NIPAL3: variants seen among roughly 807,000 people sequenced by gnomAD.
NIPAL3 encodes NIPA like domain containing 3.
In NIPAL3, 41 loss-of-function variants were observed where a neutral mutation model predicts 47.2. The observed-to-expected ratio is 0.87, with a 90% confidence interval of 0.68 to 1.13. The LOEUF (loss-of-function observed/expected upper bound fraction) is 1.13. Among genes scored for constraint, NIPAL3 ranks in the 50% most tolerant of loss-of-function variants. The probability of loss-of-function intolerance (pLI) is 0.00; values close to 1 mark genes in which losing one functional copy is unlikely to be tolerated. For missense variants in NIPAL3, 449 were observed against 530.1 expected, an observed-to-expected ratio of 0.85 and a Z score of 1.50; for synonymous variants, 194 against 209.6, an observed-to-expected ratio of 0.93 and a Z score of 0.64.
At chr1:24,468,943 C>T (rs1302045106) in intron 11 of NIPAL3, 43 bp from the exon 12 acceptor site, 1 of 1,593,374 alleles carries the variant, frequency 6.3e-7, no homozygotes, top group Non-Finnish European at 8.6e-7. Context: ...CTCCTTGGCC[C>T]CCTTACCGCG....
chr1:24,426,768 C>T (rs1012058441), intron 2 of NIPAL3, among the ~76,000 whole-genome samples: 5 of 152,296 alleles, frequency 3.3e-5, no homozygotes, highest in African/African-American at 1.2e-4. Context: ...TCTCTTCCAC[C>T]TCAATGGACA....
At chr1:24,436,699 G>A (rs1327928816) in intron 2 of NIPAL3, among the ~76,000 whole-genome samples, 7 of 151,768 alleles carry the variant, frequency 4.6e-5, no homozygotes, top group African/African-American at 9.7e-5. Flanking sequence ...GAGTTTCACC[G>A]TGTTGGCCAG....
At chr1:24,432,519 T>G (rs1644923287) in intron 2 of NIPAL3, among the ~76,000 whole-genome samples, 1 of 152,224 alleles carries the variant, frequency 6.6e-6, no homozygotes, top group East Asian at 1.9e-4. Flanking sequence ...TAGCTACTAT[T>G]TATTCAATAC....
rs1186526619 is a variant in NIPAL3, at chr1:24,470,324, TGG to T, written c.*1141_*1142del. The T allele has an allele frequency of 6.6e-6, 1 of 152,238 alleles. No homozygotes were observed. The highest frequency in any genetic ancestry group is 1.5e-5 in the Non-Finnish European group (1 of 68,048). The allele number at this position is 152,238 out of a possible 1,614,324, so 9.4% of individuals were successfully genotyped here. A position where few individuals can be genotyped will look rare whatever the true frequency, so the allele number is the denominator to read the frequency against. Reference sequence around the variant, plus strand: ...GCGGATAAAGGTTTGCAAACTTTAATGGGCATAAGGATCCCCTAGAAGCATAT... The same window carrying T: ...GCGGATAAAGGTTTGCAAACTTTAATGCATAAGGATCCCCTAGAAGCATAT... On this transcript the variant is annotated 3_prime_UTR_variant, in exon 12 of 12. Coordinates refer to ENST00000374399, the MANE Select transcript of NIPAL3 (RefSeq NM_020448.5).
intron 4 of NIPAL3, 32 bp from the exon 5 acceptor site, chr1:24,445,153 C>G: frequency 6.5e-7 from 1 of 1,544,978 alleles, no homozygotes; most frequent in African/African-American, 1.4e-5. Flanking sequence ...ACAGCAGCCT[C>G]AATTCCCTTT....
chr1:24,420,831 A>G (rs560363004), intron 2 of NIPAL3, among the ~76,000 whole-genome samples: 2 of 152,186 alleles, frequency 1.3e-5, no homozygotes, highest in East Asian at 1.9e-4. Context: ...GCTGTAAACC[A>G]TGAACATCCT....
chr1:24,413,718 G>A (rs1643866938), upstream of NIPAL3: 1 of 152,270 alleles, frequency 6.6e-6, no homozygotes, highest in South Asian at 2.1e-4. Flanking sequence ...CAACCTCCCG[G>A]TCGCTATGGC....
At chr1:24,438,996 C>A (rs1645253334) in intron 2 of NIPAL3, among the ~76,000 whole-genome samples, 1 of 151,680 alleles carries the variant, frequency 6.6e-6, no homozygotes. Flanking sequence ...TCAATCACAG[C>A]ATTGTTTTTT....
At chr1:24,464,311 G>C (rs1484106383) in intron 11 of NIPAL3, 191 bp downstream of exon 11, 2 of 417,640 alleles carry the variant, frequency 4.8e-6, no homozygotes, top group Non-Finnish European at 8.6e-6. Flanking sequence ...TTGGTTTTGA[G>C]CACATCTTGC....
At chr1:24,434,887 C>A (rs1181351140) in intron 2 of NIPAL3, among the ~76,000 whole-genome samples, 2 of 152,140 alleles carry the variant, frequency 1.3e-5, no homozygotes, top group African/African-American at 4.8e-5. Context: ...ATTATAGGAA[C>A]TACCTCGAGA....
At chr1:24,442,881 G>T (rs994716616) in intron 4 of NIPAL3, among the ~76,000 whole-genome samples, 1 of 152,202 alleles carries the variant, frequency 6.6e-6, no homozygotes, top group Non-Finnish European at 1.5e-5. Context: ...GAAGCAGGAG[G>T]ATCCCTTAAG....
chr1:24,452,060 T>G (rs1445164626), intron 6 of NIPAL3, among the ~76,000 whole-genome samples: 5 of 152,228 alleles, frequency 3.3e-5, no homozygotes. Flanking sequence ...TCTGGGTTTT[T>G]TTTATACTAA....
At chr1:24,426,968 CTGAT>C (rs1644619663) in intron 2 of NIPAL3, among the ~76,000 whole-genome samples, 1 of 152,208 alleles carries the variant, frequency 6.6e-6, no homozygotes, top group South Asian at 2.1e-4. Flanking sequence ...GACAAAGTCA[CTGAT>C]TGCAAGGTGG....
At chr1:24,448,979 T>C (rs1645803042) in intron 5 of NIPAL3, among the ~76,000 whole-genome samples, 1 of 152,258 alleles carries the variant, frequency 6.6e-6, no homozygotes, top group Non-Finnish European at 1.5e-5. Flanking sequence ...TGAGAACGAA[T>C]GAACTGCCAC....
At chr1:24,465,993 T>C (rs376923328) in intron 11 of NIPAL3, 1 of 1,608,362 alleles carries the variant, frequency 6.2e-7, no homozygotes, top group African/African-American at 1.3e-5. Flanking sequence ...TCTTGCCTTT[T>C]GTCTACCTAG....
At chr1:24,435,579 A>G (rs12086839) in intron 2 of NIPAL3, among the ~76,000 whole-genome samples, 16,889 of 152,268 alleles carry the variant, frequency 0.11, 967 homozygotes, top group African/African-American at 0.13. Context: ...TGTCGCACCT[A>G]TATAGCTCCA....
intron 2 of NIPAL3, among the ~76,000 whole-genome samples, chr1:24,425,828 C>T (rs985250133): frequency 5.9e-5 from 9 of 152,160 alleles, no homozygotes; most frequent in Non-Finnish European, 1.2e-4. Flanking sequence ...CTGCACCACC[C>T]CCTGCTTCTG....
At chr1:24,426,181 C>T (rs1482517392) in intron 2 of NIPAL3, among the ~76,000 whole-genome samples, 1 of 152,112 alleles carries the variant, frequency 6.6e-6, no homozygotes, top group East Asian at 1.9e-4. Flanking sequence ...TCACTTCTTT[C>T]GCCAGTAACA....
chr1:24,455,656 C>CA (rs1646163007), intron 7 of NIPAL3, among the ~76,000 whole-genome samples: 2 of 149,512 alleles, frequency 1.3e-5, no homozygotes, highest in African/African-American at 2.5e-5. Context: ...CTGTTGTCCA[C>CA]AAAAAGGAAA....
Sources: allele counts gnomAD v4.1 joint callset (sites outside exome capture counted in the v4.1 genomes callset), GRCh38; gene constraint gnomAD v4.1.1; transcripts MANE v1.5; gene names NCBI Gene and HGNC (gene_info 2026-07-23, HGNC 2026-07-21).